ELF2: variants seen among roughly 807,000 people sequenced by gnomAD.
ELF2 encodes E74 like ETS transcription factor 2.
In ELF2, 11 loss-of-function variants were observed where a neutral mutation model predicts 54.8. The ratio of observed to expected loss-of-function variants is 0.20; its 90% CI spans 0.13 to 0.33. The LOEUF (loss-of-function observed/expected upper bound fraction) is 0.33, where lower values mean the gene tolerates loss of function less well. Ranked by LOEUF, ELF2 falls within the 10% of genes least tolerant of loss-of-function variation. The probability of loss-of-function intolerance (pLI) is 1.00; values close to 1 mark genes in which losing one functional copy is unlikely to be tolerated. For missense variants in ELF2, 513 were observed against 703.0 expected, an observed-to-expected ratio of 0.73 and a Z score of 3.06; for synonymous variants, 203 against 245.1, an observed-to-expected ratio of 0.83 and a Z score of 1.61.
intron 4 of ELF2, among the ~76,000 whole-genome samples, chr4:139,087,556 C>T (rs1458215191): frequency 6.6e-6 from 1 of 152,200 alleles, no homozygotes; most frequent in East Asian, 1.9e-4. Context: ...AGCTCCGCCT[C>T]CCGGGTTCAT....
chr4:139,122,215 A>G (rs1297917114), intron 4 of ELF2, among the ~76,000 whole-genome samples: 7 of 152,232 alleles, frequency 4.6e-5, no homozygotes, highest in African/African-American at 1.7e-4. Context: ...TACACAGGGA[A>G]GTATTCTATA....
chr4:139,108,481 C>T (rs1734638569), intron 4 of ELF2, among the ~76,000 whole-genome samples: 1 of 152,076 alleles, frequency 6.6e-6, no homozygotes, highest in African/African-American at 2.4e-5. Context: ...CCCAAAGCAG[C>T]ACTCTAGAAC....
At chr4:139,142,436 G>A (rs550332075) in intron 1 of ELF2, among the ~76,000 whole-genome samples, 15 of 152,142 alleles carry the variant, frequency 9.9e-5, no homozygotes, top group East Asian at 9.7e-4. Flanking sequence ...AGAAAGGTAA[G>A]GGAAGGGAGC....
In ELF2 at chr4:139,125,142, G is replaced by T; in HGVS notation, c.238+22C>A. 3 of 1,585,374 alleles carry T rather than the reference G, an allele frequency of 1.9e-6. No homozygotes were observed. The South Asian group carries it at 3.5e-5, about 18-fold the overall frequency. Reference sequence around the variant, plus strand: ...ACAAAATGAGAAAGTTATAAATAATGAACATTTTATGAGATGTCTACCTGT... The same window carrying T: ...ACAAAATGAGAAAGTTATAAATAATTAACATTTTATGAGATGTCTACCTGT... On this transcript the variant is annotated intron_variant, in intron 4 of 9. Coordinates refer to ENST00000686138, the MANE Select transcript of ELF2 (RefSeq NM_001331036.3).
At chr4:139,141,248 C>G (rs1738669817) in intron 1 of ELF2, among the ~76,000 whole-genome samples, 1 of 152,102 alleles carries the variant, frequency 6.6e-6, no homozygotes, top group South Asian at 2.1e-4. Context: ...TAATAATAAC[C>G]TGAAAGGCCA....
intron 4 of ELF2, among the ~76,000 whole-genome samples, chr4:139,075,910 GATT>G (rs1410610044): frequency 6.6e-6 from 1 of 152,138 alleles, no homozygotes; most frequent in Non-Finnish European, 1.5e-5. Flanking sequence ...TAACTTGACA[GATT>G]TTTTTTAAGA....
At chr4:139,114,407 A>G (rs1735310240) in intron 4 of ELF2, among the ~76,000 whole-genome samples, 1 of 152,004 alleles carries the variant, frequency 6.6e-6, no homozygotes, top group African/African-American at 2.4e-5. Flanking sequence ...CATCTCTACT[A>G]AAAATACAAA....
intron 1 of ELF2, among the ~76,000 whole-genome samples, chr4:139,173,673 G>A (rs1031327517): frequency 2.7e-5 from 4 of 149,612 alleles, no homozygotes; most frequent in East Asian, 2.0e-4. Context: ...CAAGAGAATC[G>A]CTTGAACCCG....
chr4:139,065,510 T>A lies in ELF2; in HGVS notation c.613+2174A>T, dbSNP rs530059296. On this transcript the variant is annotated intron_variant, in intron 7 of 9. Transcript: ENST00000686138. Reference sequence around the variant, plus strand: ...AAATTATTAAAAATTATATTTCTGGTTTTAGGGAAAACAGGATTCAGAAAG... The same window carrying A: ...AAATTATTAAAAATTATATTTCTGGATTTAGGGAAAACAGGATTCAGAAAG... 1.3e-4 allele frequency among the ~76,000 whole-genome samples: 20 copies of A among 152,240 alleles called. No homozygotes were observed. The South Asian group carries it at 3.3e-3, about 25-fold the overall frequency.
intron 4 of ELF2, among the ~76,000 whole-genome samples, chr4:139,075,000 T>G (rs943566035): frequency 6.6e-6 from 1 of 152,158 alleles, no homozygotes; most frequent in Admixed American, 6.5e-5. Flanking sequence ...ATGCATTATA[T>G]TTACTGCCAG....
At position 139,071,913 on chromosome 4, in the gene ELF2, G is replaced by C; in HGVS notation, c.479C>G (p.Pro160Arg). ...ATGGCTATCTGGTGATGTTGGAATA[G>C]GAGAGGTATCCATGGGTTCAGACTC... ...TEESEPMDTS[P>R]IPTSPDSHEP... The change falls in exon 6 of 10, where the codon CCT becomes CGT. Residue 160 changes from proline (P) to arginine (R), a missense_variant. Pro to Arg is a moderately radical substitution (Grantham distance 103, BLOSUM62 -2). Transcript: ENST00000686138. 6.2e-7 allele frequency: 1 copy of C among 1,612,164 alleles called. No homozygotes were observed. The highest frequency in any genetic ancestry group is 1.7e-5 in the Admixed American group (1 of 59,362).
chr4:139,065,268 A>G (rs982421799), intron 7 of ELF2, among the ~76,000 whole-genome samples: 1 of 152,204 alleles, frequency 6.6e-6, no homozygotes, highest in African/African-American at 2.4e-5. Context: ...ACTTGAGCCT[A>G]GGAGTATGAG....
chr4:139,106,008 A>G (rs72724727), intron 4 of ELF2, among the ~76,000 whole-genome samples: 30,622 of 152,132 alleles, frequency 0.2, 3,275 homozygotes, highest in South Asian at 0.34. Context: ...GATGGGTCCA[A>G]CAATCTGTAT....
intron 4 of ELF2, among the ~76,000 whole-genome samples, chr4:139,088,277 C>T (rs7699322): frequency 7.8e-6 from 1 of 127,442 alleles, no homozygotes; most frequent in South Asian, 2.6e-4. Context: ...CAGAACAAGA[C>T]TCTGTCTAAA....
At chr4:139,062,137 C>A in intron 7 of ELF2, 80 bp from the exon 8 acceptor site, 3 of 1,319,142 alleles carry the variant, frequency 2.3e-6, no homozygotes, top group Non-Finnish European at 2.1e-6. Context: ...AAGTGTCCTT[C>A]ATTGTATCAT....
At chr4:139,171,574 C>A (rs1015027372) in intron 1 of ELF2, among the ~76,000 whole-genome samples, 5 of 151,156 alleles carry the variant, frequency 3.3e-5, no homozygotes, top group African/African-American at 1.2e-4. Context: ...ATTAAAATCA[C>A]AATGACTCCA....
intron 4 of ELF2, among the ~76,000 whole-genome samples, chr4:139,090,505 G>C (rs1333279358): frequency 6.6e-6 from 1 of 151,966 alleles, no homozygotes; most frequent in African/African-American, 2.4e-5. Context: ...TTCTATAAAG[G>C]CATTTTTTGT....
At chr4:139,135,233 A>ATG (rs1310892318) in intron 3 of ELF2, among the ~76,000 whole-genome samples, 1 of 90,806 alleles carries the variant, frequency 1.1e-5, no homozygotes, top group African/African-American at 4.8e-5. Context: ...ATACTACTAT[A>ATG]TATATGTGTG....
At chr4:139,149,814 T>C (rs967468062) in intron 1 of ELF2, among the ~76,000 whole-genome samples, 2 of 152,230 alleles carry the variant, frequency 1.3e-5, no homozygotes, top group African/African-American at 4.8e-5. Flanking sequence ...ATGTCAATTC[T>C]CACCAAATTA....
Sources: allele counts gnomAD v4.1 joint callset (sites outside exome capture counted in the v4.1 genomes callset), GRCh38; gene constraint gnomAD v4.1.1; transcripts MANE v1.5; gene names NCBI Gene and HGNC (gene_info 2026-07-23, HGNC 2026-07-21).